Variants in PDE4D observed in about 807,000 individuals in gnomAD.
PDE4D encodes the protein phosphodiesterase 4D.
PDE4D carries 24 observed loss-of-function variants against 87.4 expected under a neutral mutation model. The observed-to-expected ratio is 0.27, with a 90% CI of 0.20 to 0.39. The LOEUF is 0.39. PDE4D is among the 10% of genes least tolerant of loss of function. The pLI, the probability that PDE4D is intolerant of heterozygous loss-of-function variation, is 1.00. For missense variants in PDE4D, 714 were observed against 1,041.0 expected (o/e 0.69, Z 4.32); for synonymous variants, 384 against 383.2 (o/e 1.00, Z -0.02).
chr5:60,494,308 C>G (rs1037684253), intron 1 of PDE4D, among the ~76,000 whole-genome samples: 1 of 152,134 alleles, frequency 6.6e-6, no homozygotes, highest in Non-Finnish European at 1.5e-5. Flanking sequence ...CTCCCTCTTC[C>G]CCCTCTGCTG....
chr5:59,471,039 T>C (rs1284769049), intron 1 of PDE4D, among the ~76,000 whole-genome samples: 1 of 152,146 alleles, frequency 6.6e-6, no homozygotes, highest in Non-Finnish European at 1.5e-5. Context: ...CCCAGCAGTT[T>C]GAGACCAGGT....
chr5:59,209,120 G>A (rs1464553348), intron 2 of PDE4D, among the ~76,000 whole-genome samples: 1 of 152,064 alleles, frequency 6.6e-6, no homozygotes, highest in Non-Finnish European at 1.5e-5. Flanking sequence ...CTTGGAAACT[G>A]TTATTTTTTT....
At chr5:60,391,186 C>T (rs1283535491) in intron 1 of PDE4D, among the ~76,000 whole-genome samples, 1 of 152,068 alleles carries the variant, frequency 6.6e-6, no homozygotes, top group Admixed American at 6.6e-5. Flanking sequence ...AGTAGATGTG[C>T]AATAAATGTT....
At chr5:59,784,129 A>C (rs2152632580) in intron 1 of PDE4D, among the ~76,000 whole-genome samples, 1 of 152,278 alleles carries the variant, frequency 6.6e-6, no homozygotes, top group South Asian at 2.1e-4. Context: ...CATCTGTGTA[A>C]GAGAGAAGTC....
intron 5 of PDE4D, among the ~76,000 whole-genome samples, chr5:59,138,066 T>A (rs1777375884): frequency 6.6e-6 from 1 of 152,226 alleles, no homozygotes; most frequent in Non-Finnish European, 1.5e-5. Context: ...ATCTCACTGT[T>A]AGTATCCATG....
chr5:59,415,346 AAACTTGCCCAGGTTGGCAAC>A (rs1438605105), intron 1 of PDE4D, among the ~76,000 whole-genome samples: 1 of 152,182 alleles, frequency 6.6e-6, no homozygotes, highest in Non-Finnish European at 1.5e-5. Context: ...AAAAGAGAAA[AAACTTGCCCAGGTTGGCAAC>A]AACTTGCCAA....
intron 1 of PDE4D, chr5:59,558,759 A>G (rs1819421568): frequency 6.6e-6 from 1 of 152,212 alleles, no homozygotes; most frequent in Non-Finnish European, 1.5e-5. Context: ...AGAAGCTCTT[A>G]TCTCTTCGCT....
chr5:60,291,900 G>A (rs190662384), intron 1 of PDE4D, among the ~76,000 whole-genome samples: 29 of 152,098 alleles, frequency 1.9e-4, no homozygotes, highest in African/African-American at 7.0e-4. Context: ...ATGCAATATG[G>A]GAAAATGACC....
At chr5:59,476,335 T>C (rs1803292830) in intron 1 of PDE4D, among the ~76,000 whole-genome samples, 1 of 152,138 alleles carries the variant, frequency 6.6e-6, no homozygotes, top group South Asian at 2.1e-4. Flanking sequence ...GGAGATTACA[T>C]AGATGTGTTC....
chr5:59,241,911 G>C (rs1388780143), intron 1 of PDE4D, among the ~76,000 whole-genome samples: 1 of 152,138 alleles, frequency 6.6e-6, no homozygotes, highest in Non-Finnish European at 1.5e-5. Context: ...AGTACTTAAA[G>C]AATTCTGTAT....
intron 5 of PDE4D, among the ~76,000 whole-genome samples, chr5:59,071,629 C>T (rs1764813440): frequency 6.8e-6 from 1 of 147,508 alleles, no homozygotes; most frequent in African/African-American, 2.5e-5. Context: ...TATTTCTTCT[C>T]CTCTCTCTGA....
chr5:59,529,285 TTAAA>T (rs1813719785), intron 1 of PDE4D: 1 of 356,892 alleles, frequency 2.8e-6, no homozygotes, highest in Non-Finnish European at 5.6e-6. Flanking sequence ...AGGATCTTGC[TTAAA>T]TAAATTGTCT....
intron 1 of PDE4D, among the ~76,000 whole-genome samples, chr5:59,619,192 A>G (rs1010886049): frequency 2.6e-5 from 4 of 152,080 alleles, no homozygotes; most frequent in African/African-American, 9.7e-5. Flanking sequence ...ATAAAATCTG[A>G]TGTCACTCAT....
intron 2 of PDE4D, among the ~76,000 whole-genome samples, chr5:60,139,526 CA>C (rs1414549697): frequency 1.3e-5 from 2 of 151,900 alleles, no homozygotes; most frequent in African/African-American, 4.8e-5. Flanking sequence ...ATTTGAGTGT[CA>C]AACTTACTGC....
At chr5:59,363,055 T>C (rs559627571) in intron 1 of PDE4D, among the ~76,000 whole-genome samples, 4 of 152,308 alleles carry the variant, frequency 2.6e-5, no homozygotes, top group East Asian at 3.9e-4. Flanking sequence ...AACATCACCA[T>C]AATGTCGGGT....
At chr5:59,681,381 T>G (rs779645046) in intron 1 of PDE4D, among the ~76,000 whole-genome samples, 4 of 152,070 alleles carry the variant, frequency 2.6e-5, no homozygotes, top group Non-Finnish European at 2.9e-5. Context: ...TTATGCATAA[T>G]AGAAAGCCAA....
intron 1 of PDE4D, among the ~76,000 whole-genome samples, chr5:60,467,369 TA>T (rs537376303): frequency 5.1e-4 from 78 of 152,278 alleles, no homozygotes; most frequent in African/African-American, 1.8e-3. Context: ...AGTTAAAACT[TA>T]AGACTTGAGA....
chr5:59,592,591 A>G (rs1583244601), intron 1 of PDE4D, among the ~76,000 whole-genome samples: 1 of 152,204 alleles, frequency 6.6e-6, no homozygotes, highest in Admixed American at 6.5e-5. Context: ...CTAATCTTAA[A>G]TGATAAATTC....
At chr5:60,163,301 T>C (rs1209358540) in intron 2 of PDE4D, among the ~76,000 whole-genome samples, 2 of 152,126 alleles carry the variant, frequency 1.3e-5, no homozygotes, top group Admixed American at 1.3e-4. Context: ...ACTCTATATT[T>C]TCATCTCTTG....
Sources: gnomAD v4.1 joint callset for allele counts (sites outside exome capture counted in the v4.1 genomes callset) on GRCh38, gnomAD v4.1.1 for gene constraint, MANE v1.5 for transcripts, NCBI Gene and HGNC (gene_info 2026-07-23, HGNC 2026-07-21) for gene names.